PCGF5: variants seen among roughly 807,000 people sequenced by gnomAD.
PCGF5 encodes polycomb group RING finger protein 5.
A neutral mutation model predicts 44.3 loss-of-function variants in PCGF5; 9 were observed. The ratio of observed to expected loss-of-function variants is 0.20; its 90% CI spans 0.12 to 0.35. The LOEUF (loss-of-function observed/expected upper bound fraction) is 0.35, where lower values mean the gene tolerates loss of function less well. PCGF5 is among the 10% of genes least tolerant of loss of function. The pLI is 1.00. For synonymous variants in PCGF5, 95 were observed against 102.5 expected (o/e 0.93, Z 0.44); for missense variants, 146 against 305.3 (o/e 0.48, Z 3.89).
intron 1 of PCGF5, among the ~76,000 whole-genome samples, chr10:91,200,263 T>C (rs1844225409): frequency 6.6e-6 from 1 of 152,216 alleles, no homozygotes; most frequent in Non-Finnish European, 1.5e-5. Context: ...AGTGACAGTG[T>C]CTGCTATAGG....
At chr10:91,271,115 T>TAA (rs1372043421) in intron 8 of PCGF5, among the ~76,000 whole-genome samples, 14 of 150,764 alleles carry the variant, frequency 9.3e-5, no homozygotes, top group South Asian at 6.2e-4. Context: ...TATATATATA[T>TAA]AATCTAATAT....
chr10:91,191,752 C>T (rs748639114), intron 1 of PCGF5, among the ~76,000 whole-genome samples: 1 of 152,166 alleles, frequency 6.6e-6, no homozygotes, highest in Non-Finnish European at 1.5e-5. Context: ...CAGAACACTC[C>T]ACCCAAAATG....
At chr10:91,214,426 G>A (rs1844506329) in intron 1 of PCGF5, among the ~76,000 whole-genome samples, 1 of 152,142 alleles carries the variant, frequency 6.6e-6, no homozygotes, top group African/African-American at 2.4e-5. Flanking sequence ...TGTTGTAGGG[G>A]AGGGGAAATT....
At chr10:91,167,743 A>G (rs1165336730) in intron 1 of PCGF5, among the ~76,000 whole-genome samples, 2 of 152,182 alleles carry the variant, frequency 1.3e-5, no homozygotes, top group Admixed American at 1.3e-4. Context: ...AAATGGGGGA[A>G]TGATGTGATC....
intron 2 of PCGF5, among the ~76,000 whole-genome samples, chr10:91,226,289 TAAA>T (rs66465569): frequency 2.1e-3 from 161 of 75,140 alleles, no homozygotes; most frequent in African/African-American, 8.4e-3. Flanking sequence ...TTAAGAAATG[TAAA>T]AAAAAAAAAA....
At chr10:91,251,101 T>A (rs938912567) in intron 5 of PCGF5, among the ~76,000 whole-genome samples, 191 bp from the exon 6 acceptor site, 7 of 151,080 alleles carry the variant, frequency 4.6e-5, no homozygotes, top group African/African-American at 4.9e-5. Flanking sequence ...TTTCCAATTT[T>A]TTTTTTTTTT....
At chr10:91,188,076 G>T (rs4933650) in intron 1 of PCGF5, among the ~76,000 whole-genome samples, 1 of 152,182 alleles carries the variant, frequency 6.6e-6, no homozygotes. Context: ...TGCTGCACCC[G>T]TTAACTCCCC....
chr10:91,245,527 A>G (rs531439570), intron 3 of PCGF5, among the ~76,000 whole-genome samples: 122 of 119,754 alleles, frequency 1.0e-3, no homozygotes, highest in African/African-American at 3.6e-3. Flanking sequence ...AAGGTTCTTT[A>G]TTTTGTTTTG....
At chr10:91,157,290 A>G in the PCGF5 span, among the ~76,000 whole-genome samples, 1 of 152,248 alleles carries the variant, frequency 6.6e-6, no homozygotes, top group African/African-American at 2.4e-5. Flanking sequence ...AATTCATAGA[A>G]TTAAATGTGC....
chr10:91,161,701 A>G (rs887784304), upstream of PCGF5, among the ~76,000 whole-genome samples: 2 of 152,184 alleles, frequency 1.3e-5, no homozygotes, highest in African/African-American at 2.4e-5. Flanking sequence ...GGAAAAATGG[A>G]GGGCATGCTC....
At chr10:91,253,371 C>T (rs919739095) in intron 6 of PCGF5, among the ~76,000 whole-genome samples, 2 of 151,892 alleles carry the variant, frequency 1.3e-5, no homozygotes, top group African/African-American at 4.8e-5. Context: ...GTCTGTTGTT[C>T]TCTTCTTTAT....
chr10:91,254,946 C>T (rs1845712256), intron 6 of PCGF5, among the ~76,000 whole-genome samples: 2 of 152,092 alleles, frequency 1.3e-5, no homozygotes, highest in East Asian at 3.9e-4. Context: ...TTAGTTCCAG[C>T]CCCTGCTCAA....
intron 2 of PCGF5, among the ~76,000 whole-genome samples, chr10:91,225,562 A>C (rs1277983129): frequency 6.6e-6 from 1 of 151,748 alleles, no homozygotes; most frequent in Non-Finnish European, 1.5e-5. Context: ...ATCTCTGAGG[A>C]GATCTGAGGA....
In PCGF5 at chr10:91,251,369, A is replaced by C; in HGVS notation, c.403A>C (p.Ser135Arg). ...TGAAGATGATAAAGATTATCACAGA[A>C]GTGACCCACAAATTGCTATCTGTCT... ...ENEDDKDYHR[S>R]DPQIAICLDC... The change falls in exon 6 of 10, where the codon AGT becomes CGT. Residue 135 changes from serine (S) to arginine (R), a missense_variant. Around this residue, in one of 3 missense-constraint regions of PCGF5, gnomAD observed 123 missense variants for 268.6 expected, o/e 0.46. Coordinates refer to ENST00000336126, the MANE Select transcript of PCGF5 (RefSeq NM_032373.5). 1 of 1,611,390 alleles carries C rather than the reference A, an allele frequency of 6.2e-7. No homozygotes were observed. Among genetic ancestry groups the C allele is most frequent in the Non-Finnish European group, 8.5e-7 (1 of 1,178,234 alleles).
intron 6 of PCGF5, among the ~76,000 whole-genome samples, chr10:91,258,236 C>A (rs967377679): frequency 6.6e-6 from 1 of 151,930 alleles, no homozygotes; most frequent in Non-Finnish European, 1.5e-5. Flanking sequence ...TACAACTTTG[C>A]GAATAGTATA....
chr10:91,268,498 T>A (rs775654552), intron 8 of PCGF5, among the ~76,000 whole-genome samples: 2 of 152,168 alleles, frequency 1.3e-5, no homozygotes, highest in Non-Finnish European at 2.9e-5. Flanking sequence ...GGGTTTTTTA[T>A]TCTATTTGGC....
At chr10:91,192,225 A>T (rs564641853) in intron 1 of PCGF5, among the ~76,000 whole-genome samples, 2 of 152,202 alleles carry the variant, frequency 1.3e-5, no homozygotes, top group South Asian at 2.1e-4. Context: ...GAATTTTTTT[A>T]AAAAAGCATT....
At chr10:91,178,228 TATATC>T (rs1315318141) in intron 1 of PCGF5, among the ~76,000 whole-genome samples, 8 of 152,194 alleles carry the variant, frequency 5.3e-5, no homozygotes, top group Non-Finnish European at 1.0e-4. Flanking sequence ...CAGCCATAAT[TATATC>T]AATAATGTCT....
At chr10:91,174,464 A>C (rs1843666180) in intron 1 of PCGF5, among the ~76,000 whole-genome samples, 1 of 152,194 alleles carries the variant, frequency 6.6e-6, no homozygotes, top group Non-Finnish European at 1.5e-5. Flanking sequence ...CTGAAATCAC[A>C]CCATTGTACT....
Sources: gnomAD v4.1 joint callset for allele counts (sites outside exome capture counted in the v4.1 genomes callset) on GRCh38, gnomAD v4.1.1 for gene constraint, gnomAD v4.1.1 regional missense constraint, MANE v1.5 for transcripts, NCBI Gene and HGNC (gene_info 2026-07-23, HGNC 2026-07-21) for gene names.